Variants in NFAT5 observed in about 807,000 individuals in gnomAD.
NFAT5 encodes the protein nuclear factor of activated T cells 5.
NFAT5 carries 31 observed loss-of-function variants against 166.5 expected under a neutral mutation model. The observed-to-expected ratio is 0.19, with a 90% CI of 0.14 to 0.25. The LOEUF is 0.25. Among genes scored for constraint, NFAT5 ranks in the 10% least tolerant of loss-of-function variants. NFAT5 has a pLI of 1.00. For missense variants in NFAT5, 1,449 were observed against 1,821.8 expected, an observed-to-expected ratio of 0.80 and a Z score of 3.72; for synonymous variants, 612 against 639.7, an observed-to-expected ratio of 0.96 and a Z score of 0.65.
At chr16:69,651,350 C>T (rs1388512769) in intron 4 of NFAT5, among the ~76,000 whole-genome samples, 1 of 152,202 alleles carries the variant, frequency 6.6e-6, no homozygotes, top group Non-Finnish European at 1.5e-5. Context: ...CTTCTTTGCT[C>T]CATTCTTTTG....
Position 69,670,268 on chromosome 16 carries a change from G to T in NFAT5, c.1537G>T (p.Asp513Tyr). The stretch of plus-strand genomic sequence containing the variant: ...CTCTTGGAAGTCAGAAGCTGAAATT[G>T]ATATGGAACTATTTCATCAGGTAAA... ...ENSWKSEAEI[D>Y]MELFHQNHLI... The change falls in exon 9 of 15, where the codon GAT becomes TAT. Residue 513 changes from aspartate (D) to tyrosine (Y), a missense_variant. By Grantham distance (160) the Asp-to-Tyr change is radical. Transcript: ENST00000349945. 6.3e-7 allele frequency: 1 copy of T among 1,585,652 alleles called. No homozygotes were observed.
At position 69,700,382 on chromosome 16, in the gene NFAT5, A is replaced by T. The variant is rs1468640664; in HGVS notation, c.*4031A>T. On this transcript the variant is annotated 3_prime_UTR_variant, in exon 15 of 15. Transcript: ENST00000349945. ...GTATCTGAGTCCCTCCAGAACTAAGATAATTCTTTTTGACCATTTAAGCCT... is the reference window on the plus strand; with the variant it reads ...GTATCTGAGTCCCTCCAGAACTAAGTTAATTCTTTTTGACCATTTAAGCCT... 1 of 152,246 alleles carries T rather than the reference A, an allele frequency of 6.6e-6. No individual in the cohort carries two copies. Among genetic ancestry groups the T allele is most frequent in the African/African-American group, 2.4e-5 (1 of 41,474 alleles). The allele number at this position is 152,246 out of a possible 1,614,324, so 9.4% of individuals were successfully genotyped here.
At chr16:69,572,612 A>G (rs2016509444) in intron 2 of NFAT5, among the ~76,000 whole-genome samples, 2 of 152,180 alleles carry the variant, frequency 1.3e-5, no homozygotes, top group Admixed American at 1.3e-4. Context: ...TAAGATAGAA[A>G]TGAAACTGAA....
At chr16:69,600,139 C>A (rs1286351783) in intron 2 of NFAT5, among the ~76,000 whole-genome samples, 8 of 141,676 alleles carry the variant, frequency 5.6e-5, no homozygotes, top group African/African-American at 1.9e-4. Flanking sequence ...AGACAGGATT[C>A]ATTTCTCTGG....
intron 3 of NFAT5, among the ~76,000 whole-genome samples, chr16:69,627,289 G>T (rs2034501620): frequency 7.2e-6 from 1 of 139,734 alleles, no homozygotes; most frequent in South Asian, 2.3e-4. Context: ...TGGATTTATA[G>T]ACTGCTAAGT....
At position 69,654,361 on chromosome 16, in the gene NFAT5, GGA is replaced by G. The variant is rs1225207448; in HGVS notation, c.1005+934_1005+935del. Among the ~76,000 whole-genome samples, 3 of 152,212 alleles carry G rather than the reference GGA, an allele frequency of 2.0e-5. No homozygotes were observed. The East Asian group carries it at 5.8e-4, about 29-fold the overall frequency. On this transcript the variant is annotated intron_variant, in intron 5 of 14. Transcript: ENST00000349945. ...TGAATGAAATTATGATTGAAACTCT[GGA>G]TCAATCAGGAAACGTGTCTGCCACC...
chr16:69,640,391 G>A (rs541487757), intron 3 of NFAT5, among the ~76,000 whole-genome samples: 1 of 152,214 alleles, frequency 6.6e-6, no homozygotes, highest in East Asian at 1.9e-4. Context: ...TTTAAACTTT[G>A]CATTAATATT....
At chr16:69,628,919 A>G (rs906793804) in intron 3 of NFAT5, among the ~76,000 whole-genome samples, 3 of 152,136 alleles carry the variant, frequency 2.0e-5, no homozygotes, top group Admixed American at 6.5e-5. Context: ...CTAAAAATAT[A>G]AAAAATCAGC....
intron 2 of NFAT5, among the ~76,000 whole-genome samples, chr16:69,612,524 A>AT (rs1567540629): frequency 1.3e-5 from 2 of 152,146 alleles, no homozygotes; most frequent in African/African-American, 4.8e-5. Context: ...TCTTACGTGT[A>AT]TTTTTAAAAG....
chr16:69,607,096 A>G (rs1490947638), intron 2 of NFAT5, among the ~76,000 whole-genome samples: 1 of 152,194 alleles, frequency 6.6e-6, no homozygotes, highest in Non-Finnish European at 1.5e-5. Context: ...CATTATTGCT[A>G]GTGCTTACAA....
chr16:69,601,129 A>T (rs1403345385), intron 2 of NFAT5, among the ~76,000 whole-genome samples: 1 of 151,316 alleles, frequency 6.6e-6, no homozygotes, highest in Non-Finnish European at 1.5e-5. Context: ...GCACTTAAAC[A>T]TTTTTTTTTA....
chr16:69,704,247 A>G lies in NFAT5; in HGVS notation c.*7896A>G, dbSNP rs1367418187. 6.6e-6 allele frequency: 1 copy of G among 152,638 alleles called. No individual in the cohort carries two copies. The highest frequency in any genetic ancestry group is 1.5e-5 in the Non-Finnish European group (1 of 68,042). The allele number at this position is 152,638 out of a possible 1,614,324, so 9.5% of individuals were successfully genotyped here. A position where few individuals can be genotyped will look rare whatever the true frequency, so the allele number is the denominator to read the frequency against. ...GTTGCTAATTTTTTGACAACTTTAA[A>G]TGAGTTTCATTCACTTCTTTTACTT... On this transcript the variant is annotated 3_prime_UTR_variant, in exon 15 of 15. Coordinates refer to ENST00000349945, the MANE Select transcript of NFAT5 (RefSeq NM_138713.4).
intron 11 of NFAT5, among the ~76,000 whole-genome samples, chr16:69,688,151 G>C (rs1293173153): frequency 2.1e-5 from 3 of 142,064 alleles, no homozygotes; most frequent in African/African-American, 7.7e-5. Flanking sequence ...AGCCGAGATT[G>C]CGCCACTGCA....
chr16:69,677,200 T>C lies in NFAT5; in HGVS notation c.1558-3T>C. Reference sequence around the variant, plus strand: ...CCAACTCTTGTGCTTTTCTTTACATTAGAATCATCTTATTGTGAAGGTTCC... The same window carrying C: ...CCAACTCTTGTGCTTTTCTTTACATCAGAATCATCTTATTGTGAAGGTTCC... On this transcript the variant is annotated splice_polypyrimidine_tract_variant and splice_region_variant and intron_variant, in intron 9 of 14. Coordinates refer to ENST00000349945, the MANE Select transcript of NFAT5 (RefSeq NM_138713.4). The C allele has an allele frequency of 6.3e-7, 1 of 1,599,896 alleles. No homozygotes were observed. The highest frequency in any genetic ancestry group is 8.5e-7 in the Non-Finnish European group (1 of 1,176,676).
chr16:69,593,541 C>G (rs2032605884), intron 2 of NFAT5, among the ~76,000 whole-genome samples: 1 of 151,506 alleles, frequency 6.6e-6, no homozygotes, highest in Admixed American at 6.6e-5. Context: ...TCTCAAACTT[C>G]TGGGCTCAAG....
intron 2 of NFAT5, among the ~76,000 whole-genome samples, chr16:69,606,906 C>T (rs535058029): frequency 2.3e-4 from 35 of 152,138 alleles, no homozygotes; most frequent in Non-Finnish European, 3.4e-4. Context: ...AAATCAGAGT[C>T]ACCTTGAAAT....
Position 69,576,602 on chromosome 16 carries a change from G to T in NFAT5, c.127+8054G>T, listed in dbSNP as rs189399174. On this transcript the variant is annotated intron_variant, in intron 2 of 14. Transcript: ENST00000349945. ...ACACCTATGTTGGCCTAGCTCAGTGGCTCACGCCTGTAATCCCAGCACTTT... is the reference window on the plus strand; with the variant it reads ...ACACCTATGTTGGCCTAGCTCAGTGTCTCACGCCTGTAATCCCAGCACTTT... Among the ~76,000 whole-genome samples the T allele has an allele frequency of 3.6e-3, 545 of 152,226 alleles. 2 individuals carry two copies. Among genetic ancestry groups the T allele is most frequent in the African/African-American group, 0.012 (507 of 41,520 alleles).
chr16:69,652,638 A>G lies in NFAT5; in HGVS notation c.813-598A>G, dbSNP rs548892345. 5.9e-5 allele frequency among the ~76,000 whole-genome samples: 9 copies of G among 152,248 alleles called. No individual in the cohort carries two copies. In the East Asian group the frequency reaches 1.5e-3, roughly 26 times the overall value. ...AAATTGAATCGCTAATTTTTTATCT[A>G]ATTTCTTCAGTTTGGTTTACTGAGA... On this transcript the variant is annotated intron_variant, in intron 4 of 14. Transcript: ENST00000349945.
At chr16:69,597,697 T>G (rs1425634574) in intron 2 of NFAT5, among the ~76,000 whole-genome samples, 2 of 151,942 alleles carry the variant, frequency 1.3e-5, no homozygotes, top group Non-Finnish European at 2.9e-5. Context: ...GTTCACACCA[T>G]TCTCCTTCCT....
Sources: gnomAD v4.1 joint callset for allele counts (sites outside exome capture counted in the v4.1 genomes callset) on GRCh38, gnomAD v4.1.1 for gene constraint, MANE v1.5 for transcripts, NCBI Gene and HGNC (gene_info 2026-07-23, HGNC 2026-07-21) for gene names.